The following SLC8A1 variants were observed in gnomAD, a reference collection of about 807,000 sequenced individuals.
SLC8A1 encodes sodium/calcium exchanger 1.
SLC8A1 carries 18 observed loss-of-function variants against 68.3 expected under a neutral mutation model. The observed-to-expected ratio is 0.26, with a 90% confidence interval of 0.18 to 0.39. SLC8A1 has a LOEUF of 0.39. Among genes scored for constraint, SLC8A1 ranks in the 10% least tolerant of loss-of-function variants. The pLI is 1.00. For missense variants in SLC8A1, 985 were observed against 1,156.7 expected (o/e 0.85, Z 2.15); for synonymous variants, 475 against 415.5 (o/e 1.14, Z -1.74).
rs1057155743 is a variant in SLC8A1 at position 40,236,918 on chromosome 2, G to A, written c.1809-59063C>T. On this transcript the variant is annotated intron_variant, in intron 2 of 7. Coordinates refer to ENST00000406785, the Ensembl canonical transcript of SLC8A1. ...GAAAATTCTTTTCTTTAAGAATGTT[G>A]AACATTGGCCCCCACTCTCTTCTGG... Among the ~76,000 whole-genome samples the A allele has an allele frequency of 7.6e-4, 115 of 152,156 alleles. No individual in the cohort carries two copies. The Middle Eastern group carries it at 0.017, about 23-fold the overall frequency.
At chr2:40,124,728 T>A (rs1305931595) in intron 7 of SLC8A1, among the ~76,000 whole-genome samples, 6 of 152,184 alleles carry the variant, frequency 3.9e-5, no homozygotes, top group Non-Finnish European at 8.8e-5. Flanking sequence ...AGTTTCTATG[T>A]TAGAGAAAAA....
intron 1 of SLC8A1, among the ~76,000 whole-genome samples, chr2:40,441,085 GA>G (rs1700388012): frequency 6.6e-6 from 1 of 152,078 alleles, no homozygotes; most frequent in African/African-American, 2.4e-5. Flanking sequence ...GCAGTCTCAG[GA>G]AACAAAATGG....
chr2:40,382,880 G>C (rs1197908462), intron 2 of SLC8A1, among the ~76,000 whole-genome samples: 1 of 151,974 alleles, frequency 6.6e-6, no homozygotes, highest in Non-Finnish European at 1.5e-5. Flanking sequence ...GAATATAAGA[G>C]GGATTCTATT....
chr2:40,301,930 G>A (rs1364919742), intron 2 of SLC8A1, among the ~76,000 whole-genome samples: 3 of 151,626 alleles, frequency 2.0e-5, no homozygotes, highest in Non-Finnish European at 4.4e-5. Context: ...TGGCACAATC[G>A]CAGCTCACTG....
intron 2 of SLC8A1, among the ~76,000 whole-genome samples, chr2:40,399,976 A>G (rs934866219): frequency 6.6e-6 from 1 of 152,200 alleles, no homozygotes; most frequent in Non-Finnish European, 1.5e-5. Flanking sequence ...TTACCTATAG[A>G]TTACAGACAT....
At chr2:40,281,475 G>C (rs911886210) in intron 2 of SLC8A1, among the ~76,000 whole-genome samples, 3 of 152,186 alleles carry the variant, frequency 2.0e-5, no homozygotes, top group African/African-American at 7.2e-5. Context: ...GCCAAGAATA[G>C]CTACAAAGTG....
chr2:40,212,845 TG>T (rs1408080062), intron 2 of SLC8A1, among the ~76,000 whole-genome samples: 2 of 152,232 alleles, frequency 1.3e-5, no homozygotes, highest in African/African-American at 2.4e-5. Flanking sequence ...ATCAGCCACA[TG>T]TAGACTTAGT....
At chr2:40,172,891 G>A (rs745704955) in intron 4 of SLC8A1, among the ~76,000 whole-genome samples, 35 of 152,196 alleles carry the variant, frequency 2.3e-4, no homozygotes, top group African/African-American at 4.3e-4. Flanking sequence ...GCAGTGAGCC[G>A]AGATCGCGCC....
At chr2:40,111,240 T>C (rs1451304096) in exon 8 of SLC8A1, 1 of 152,156 alleles carries the variant, frequency 6.6e-6, no homozygotes, top group East Asian at 1.9e-4. Flanking sequence ...AAGAAACTGA[T>C]AATTATCAGG....
At chr2:40,480,398 A>T (rs943050377) in intron 1 of SLC8A1, among the ~76,000 whole-genome samples, 1 of 152,076 alleles carries the variant, frequency 6.6e-6, no homozygotes, top group Non-Finnish European at 1.5e-5. Flanking sequence ...AGTCCCAGAG[A>T]GACTCTCACC....
At chr2:40,103,309 TC>T (rs1228698485) in exon 8 of SLC8A1, 8 of 152,210 alleles carry the variant, frequency 5.3e-5, no homozygotes, top group Non-Finnish European at 1.0e-4. Flanking sequence ...TTGTGCAATT[TC>T]ATTTTGCTAA....
chr2:40,244,833 G>C (rs1028418040), intron 2 of SLC8A1, among the ~76,000 whole-genome samples: 3 of 152,144 alleles, frequency 2.0e-5, no homozygotes, highest in African/African-American at 7.2e-5. Context: ...TTCCTCCCGA[G>C]GAAAGGGTTG....
intron 2 of SLC8A1, among the ~76,000 whole-genome samples, chr2:40,184,188 C>T (rs1370235213): frequency 6.6e-6 from 1 of 152,062 alleles, no homozygotes; most frequent in Non-Finnish European, 1.5e-5. Flanking sequence ...ATCAATCAAT[C>T]AACCAATAAA....
At chr2:40,454,139 G>T (rs1702848970), upstream of SLC8A1, among the ~76,000 whole-genome samples, 1 of 152,160 alleles carries the variant, frequency 6.6e-6, no homozygotes. Context: ...GGCAGTGTGA[G>T]TAGCAGATAT....
chr2:40,102,190 G>A (rs960601280), exon 8 of SLC8A1: 2 of 152,086 alleles, frequency 1.3e-5, no homozygotes, highest in Admixed American at 6.5e-5. Flanking sequence ...GTCCCTACAA[G>A]TCTATTTGTA....
At chr2:40,352,355 G>A (rs1293497431) in intron 2 of SLC8A1, among the ~76,000 whole-genome samples, 2 of 152,120 alleles carry the variant, frequency 1.3e-5, no homozygotes, top group Non-Finnish European at 2.9e-5. Flanking sequence ...TTATTGAGAA[G>A]TGTTTGATTT....
intron 2 of SLC8A1, among the ~76,000 whole-genome samples, chr2:40,303,649 C>G (rs1274721683): frequency 6.6e-6 from 1 of 152,024 alleles, no homozygotes; most frequent in Non-Finnish European, 1.5e-5. Flanking sequence ...TAGTTATAAG[C>G]CGAAATAAAG....
At chr2:40,507,953 T>C (rs1004072654) in intron 1 of SLC8A1, among the ~76,000 whole-genome samples, 1 of 152,112 alleles carries the variant, frequency 6.6e-6, no homozygotes, top group Non-Finnish European at 1.5e-5. Flanking sequence ...TTTCATAGAA[T>C]GTATTTTATC....
Position 40,390,599 on chromosome 2 carries a change from T to C in SLC8A1, c.1808+37874A>G, listed in dbSNP as rs552965683. 5.9e-5 allele frequency among the ~76,000 whole-genome samples: 9 copies of C among 151,760 alleles called. No homozygotes were observed. The East Asian group carries it at 1.4e-3, about 23-fold the overall frequency. On this transcript the variant is annotated intron_variant, in intron 2 of 7. Transcript: ENST00000406785. The stretch of plus-strand genomic sequence containing the variant: ...TGTATTTTAACAAACCTCCAGGTTA[T>C]TCTGATGCCCCCTCAACTTGAGGAA...
Sources: gnomAD v4.1 joint callset for allele counts (sites outside exome capture counted in the v4.1 genomes callset) on GRCh38, gnomAD v4.1.1 for gene constraint, MANE v1.5 for transcripts, NCBI Gene and HGNC (gene_info 2026-07-23, HGNC 2026-07-21) for gene names.